The following CGNL1 variants were observed in gnomAD, a reference collection of about 807,000 sequenced individuals.
CGNL1 encodes cingulin-like protein 1.
CGNL1 carries 132 observed loss-of-function variants against 141.2 expected under a neutral mutation model. The ratio of observed to expected loss-of-function variants is 0.93; its 90% confidence interval spans 0.81 to 1.08. The LOEUF is 1.08. CGNL1 is among the 50% of genes least tolerant of loss of function. CGNL1 has a pLI of 0.00. For synonymous variants in CGNL1, 690 were observed against 622.1 expected, an observed-to-expected ratio of 1.11 and a Z score of -1.63; for missense variants, 1,870 against 1,588.6, an observed-to-expected ratio of 1.18 and a Z score of -3.01.
At chr15:57,414,882 A>G (rs774882551) in intron 1 of CGNL1, among the ~76,000 whole-genome samples, 6 of 152,130 alleles carry the variant, frequency 3.9e-5, no homozygotes, top group Non-Finnish European at 8.8e-5. Flanking sequence ...TGCATTGTCT[A>G]TGTTTCCGAA....
At chr15:57,474,068 G>A (rs1021595605) in intron 8 of CGNL1, among the ~76,000 whole-genome samples, 6 of 151,828 alleles carry the variant, frequency 4.0e-5, no homozygotes, top group African/African-American at 9.7e-5. Flanking sequence ...GTGCCACCAC[G>A]CCTGGCTAAT....
In CGNL1 at chr15:57,528,789, C is replaced by T. The variant is rs746164326; in HGVS notation, c.3175C>T (p.Arg1059Cys). The T allele has an allele frequency of 1.1e-5, 17 of 1,613,838 alleles. No homozygotes were observed. Among genetic ancestry groups the T allele is most frequent in the East Asian group, 2.2e-5 (1 of 44,886 alleles). Residue 1059 changes from arginine (R) to cysteine (C), a missense_variant, in exon 13 of 19, where the codon CGC (arginine) becomes TGC (cysteine). Coordinates refer to ENST00000281282, the MANE Select transcript of CGNL1 (RefSeq NM_032866.5). The part of the protein sequence containing the change: ...LEAKSHLKDD[R>C]SRLVKQMEDK... ...AGCCAAGAGTCACCTCAAAGATGAC[C>T]GCAGCAGGCTGGTCAAGCAGATGGA...
intron 8 of CGNL1, among the ~76,000 whole-genome samples, chr15:57,489,364 G>T (rs549157870): frequency 6.6e-6 from 1 of 152,130 alleles, no homozygotes; most frequent in African/African-American, 2.4e-5. Flanking sequence ...ATCATGTCAG[G>T]TATGTGATTC....
intron 17 of CGNL1, 53 bp from the exon 18 acceptor site, chr15:57,546,023 C>T (rs761384350): frequency 3.3e-4 from 517 of 1,572,810 alleles, no homozygotes; most frequent in Non-Finnish European, 3.9e-4. Context: ...GTAAGCTGAG[C>T]GCTGGGGCTG....
Position 57,514,764 on chromosome 15 carries a change from A to G in CGNL1, c.2404-2016A>G, listed in dbSNP as rs76224191. Among the ~76,000 whole-genome samples the G allele has an allele frequency of 3.7e-3, 565 of 152,206 alleles. 3 individuals are homozygous for G. The highest frequency in any genetic ancestry group is 0.013 in the African/African-American group (547 of 41,538). ...ACATTTGGGCCTATGATCCATTTTG[A>G]GTTAACTTTTGTGTATGGTATGAGG... On this transcript the variant is annotated intron_variant, in intron 8 of 18. Transcript: ENST00000281282.
In CGNL1 at chr15:57,438,520, G is replaced by C. The variant is rs1176686491; in HGVS notation, c.521G>C (p.Trp174Ser). The C allele has an allele frequency of 6.2e-7, 1 of 1,614,046 alleles. No homozygotes were observed. The highest frequency in any genetic ancestry group is 8.5e-7 in the Non-Finnish European group (1 of 1,180,032). The change falls in exon 2 of 19, where the codon TGG becomes TCG. Residue 174 changes from tryptophan to serine, a missense_variant. By Grantham distance (177) the Trp-to-Ser change is radical (BLOSUM62 -3). Transcript: ENST00000281282. Reference protein sequence around the residue: ...LQNHQPSESNWLKTLTEEGIN... With the variant: ...LQNHQPSESNSLKTLTEEGIN... ...AATCACCAGCCTTCTGAGAGTAATT[G>C]GCTAAAAACGTTGACAGAAGAAGGC...
intron 1 of CGNL1, among the ~76,000 whole-genome samples, chr15:57,422,321 A>G (rs1473226107): frequency 6.6e-6 from 1 of 152,080 alleles, no homozygotes; most frequent in Non-Finnish European, 1.5e-5. Flanking sequence ...AGAACAGGGT[A>G]AATTTGTCCA....
At chr15:57,543,868 C>A in intron 15 of CGNL1, 89 bp downstream of exon 15, 1 of 939,398 alleles carries the variant, frequency 1.1e-6, no homozygotes, top group Non-Finnish European at 1.7e-6. Flanking sequence ...CCTTGGAGGT[C>A]CCTCCTTTAC....
chr15:57,387,267 A>G (rs532933487), intron 1 of CGNL1, among the ~76,000 whole-genome samples: 2 of 152,348 alleles, frequency 1.3e-5, no homozygotes, highest in East Asian at 3.9e-4. Flanking sequence ...TGTAACATGC[A>G]CCAGCACTTC....
intron 8 of CGNL1, among the ~76,000 whole-genome samples, chr15:57,481,190 T>C (rs1191811090): frequency 6.6e-5 from 10 of 151,320 alleles, no homozygotes; most frequent in African/African-American, 2.2e-4. Flanking sequence ...AGATGCCATA[T>C]ACCCTTTATC....
chr15:57,516,651 C>T (rs1267355126), intron 8 of CGNL1, 129 bp from the exon 9 acceptor site: 2 of 943,836 alleles, frequency 2.1e-6, no homozygotes, highest in South Asian at 3.2e-5. Context: ...CGTTTGCCGA[C>T]CCCTGGCTCA....
intron 4 of CGNL1, among the ~76,000 whole-genome samples, chr15:57,444,078 A>G (rs1722383427): frequency 6.6e-6 from 1 of 152,194 alleles, no homozygotes. Flanking sequence ...CCCATCACCC[A>G]GGTTTCCTGG....
At chr15:57,519,360 T>A (rs1310788739) in intron 10 of CGNL1, among the ~76,000 whole-genome samples, 1 of 152,146 alleles carries the variant, frequency 6.6e-6, no homozygotes, top group Non-Finnish European at 1.5e-5. Flanking sequence ...ATTAAAAGTG[T>A]TAAGAGCCGA....
chr15:57,526,675 A>T (rs1323433468), intron 12 of CGNL1, among the ~76,000 whole-genome samples: 3 of 152,112 alleles, frequency 2.0e-5, no homozygotes, highest in Non-Finnish European at 4.4e-5. Flanking sequence ...TTAACTACTT[A>T]AAGGTAGCAC....
chr15:57,461,639 G>A, intron 7 of CGNL1, 41 bp from the exon 8 acceptor site: 1 of 1,562,812 alleles, frequency 6.4e-7, no homozygotes, highest in South Asian at 1.1e-5. Flanking sequence ...TCAACAAGAT[G>A]TTTCATTGTC....
At position 57,438,415 on chromosome 15, in the gene CGNL1, C is replaced by T. The variant is rs1454562421; in HGVS notation, c.416C>T (p.Pro139Leu). ...GATCGCAAAGACGGGTCTGTGAAGC[C>T]ATCTCACCTGCTGAACTTTCAGAGG... is the stretch of plus-strand genomic sequence containing the variant. The part of the protein sequence containing the change: ...VLDRKDGSVK[P>L]SHLLNFQRHP... Residue 139 changes from proline (P) to leucine (L), a missense_variant, in exon 2 of 19, where the codon CCA (proline) becomes CTA (leucine). Physicochemically the swap from Pro to Leu is moderately conservative, Grantham distance 98. Coordinates refer to ENST00000281282, the MANE Select transcript of CGNL1 (RefSeq NM_032866.5). 6.2e-7 allele frequency: 1 copy of T among 1,614,174 alleles called. No homozygotes were observed. The highest frequency in any genetic ancestry group is 1.1e-5 in the South Asian group (1 of 91,078).
At position 57,548,331 on chromosome 15, in the gene CGNL1, A is replaced by G. The variant is rs1277241843; in HGVS notation, c.*841A>G. On this transcript the variant is annotated 3_prime_UTR_variant, in exon 19 of 19. Coordinates refer to ENST00000281282, the MANE Select transcript of CGNL1 (RefSeq NM_032866.5). ...GTATTCTTTTTTAAAATATGAAGCT[A>G]TTAGATTTTAAGTGTTGAGGAGCAG... 1.3e-5 allele frequency: 2 copies of G among 152,176 alleles called. No individual in the cohort carries two copies. The highest frequency in any genetic ancestry group is 2.9e-5 in the Non-Finnish European group (2 of 68,038). The allele number at this position is 152,176 out of a possible 1,614,324, so 9.4% of individuals were successfully genotyped here.
At chr15:57,493,982 G>A (rs533307948) in intron 8 of CGNL1, among the ~76,000 whole-genome samples, 203 of 152,246 alleles carry the variant, frequency 1.3e-3, no homozygotes, top group African/African-American at 4.7e-3. Flanking sequence ...TGTAGATGAG[G>A]GATGGATTCA....
At chr15:57,493,190 T>A (rs1041396691) in intron 8 of CGNL1, among the ~76,000 whole-genome samples, 4 of 152,226 alleles carry the variant, frequency 2.6e-5, no homozygotes, top group Admixed American at 6.5e-5. Context: ...TTGAATCATA[T>A]TGATCCTCTT....
Sources: gnomAD v4.1 joint callset for allele counts (sites outside exome capture counted in the v4.1 genomes callset) on GRCh38, gnomAD v4.1.1 for gene constraint, MANE v1.5 for transcripts, NCBI Gene and HGNC (gene_info 2026-07-23, HGNC 2026-07-21) for gene names.